The following TMOD1 variants were observed in gnomAD, a reference collection of about 807,000 sequenced individuals.
The protein encoded by TMOD1 is tropomodulin 1.
In TMOD1, 17 loss-of-function variants were observed where a neutral mutation model predicts 40.6. That is an observed-to-expected ratio of 0.42 (90% CI 0.29 to 0.63). TMOD1 has a LOEUF of 0.63. Among genes scored for constraint, TMOD1 ranks in the 20% least tolerant of loss-of-function variants. The pLI, the probability that TMOD1 is intolerant of heterozygous loss-of-function variation, is 0.22. For missense variants in TMOD1, 391 were observed against 447.6 expected, an observed-to-expected ratio of 0.87 and a Z score of 1.14; for synonymous variants, 181 against 175.0, an observed-to-expected ratio of 1.03 and a Z score of -0.27.
chr9:97,529,751 T>C (rs535629706), intron 2 of TMOD1, among the ~76,000 whole-genome samples: 2 of 152,306 alleles, frequency 1.3e-5, no homozygotes, highest in East Asian at 3.9e-4. Context: ...TCAGTTCAGA[T>C]TGCCTTTGTA....
intron 1 of TMOD1, among the ~76,000 whole-genome samples, chr9:97,503,538 A>G (rs992892320): frequency 6.6e-6 from 1 of 152,190 alleles, no homozygotes; most frequent in Non-Finnish European, 1.5e-5. Flanking sequence ...ACTTTGGTGT[A>G]TTATCTTTAA....
At chr9:97,530,946 C>G (rs1341714367) in intron 2 of TMOD1, among the ~76,000 whole-genome samples, 1 of 151,338 alleles carries the variant, frequency 6.6e-6, no homozygotes, top group Non-Finnish European at 1.5e-5. Context: ...CATCACCATG[C>G]CCGGCTAATT....
At chr9:97,555,479 T>C in intron 4 of TMOD1, 1 of 1,436,260 alleles carries the variant, frequency 7.0e-7, no homozygotes, top group Non-Finnish European at 9.1e-7. Flanking sequence ...TCTGTGTGGC[T>C]TTCTTGAAAC....
In TMOD1 at chr9:97,557,233, T is replaced by C. The variant is rs1830550300; in HGVS notation, c.397+3833T>C. ...CGTCCCTGCTGGGCAACAAGCAGAG[T>C]GCACAGGTTCCTGGCAGGGCTAAGT... On this transcript the variant is annotated intron_variant, in intron 4 of 9. Transcript: ENST00000259365. The surrounding 1 kb of genome is among the most constrained non-coding windows in gnomAD (Gnocchi z 4.4). Among the ~76,000 whole-genome samples the C allele has an allele frequency of 6.6e-6, 1 of 151,972 alleles. No homozygotes were observed. Among genetic ancestry groups the C allele is most frequent in the African/African-American group, 2.4e-5 (1 of 41,346 alleles).
In TMOD1 at chr9:97,559,794, A is replaced by AATATATATATATAT. The variant is rs1193457397; in HGVS notation, c.398-2921_398-2908dup. On this transcript the variant is annotated intron_variant, in intron 4 of 9. Transcript: ENST00000259365. The stretch of plus-strand genomic sequence containing the variant: ...ATTTAAAAAAAAAAAAAAAAAAAAA[A>AATATATATATATAT]ATATATATATATATATATATATATA... Among the ~76,000 whole-genome samples the AATATATATATATAT allele has an allele frequency of 9.5e-4, 22 of 23,150 alleles. 1 individual carries two copies. The highest frequency in any genetic ancestry group is 2.0e-3 in the East Asian group (1 of 502). The allele number at this position is 23,150 out of a possible 152,430, so 15.2% of individuals were successfully genotyped here.
At chr9:97,504,068 G>A (rs1269041953) in intron 1 of TMOD1, among the ~76,000 whole-genome samples, 1 of 152,184 alleles carries the variant, frequency 6.6e-6, no homozygotes, top group Non-Finnish European at 1.5e-5. Context: ...CAGGGATCAT[G>A]AGTGACTTAG....
chr9:97,506,129 A>T (rs939649796), intron 1 of TMOD1, among the ~76,000 whole-genome samples: 1 of 152,128 alleles, frequency 6.6e-6, no homozygotes, highest in African/African-American at 2.4e-5. Context: ...TTCGGCCTTC[A>T]GTGCTGTTCT....
intron 8 of TMOD1, among the ~76,000 whole-genome samples, chr9:97,582,078 A>G (rs1034179163): frequency 2.0e-5 from 3 of 152,194 alleles, no homozygotes; most frequent in Non-Finnish European, 2.9e-5. Context: ...GCCCATGCCT[A>G]TGTCCTGAAT....
intron 1 of TMOD1, among the ~76,000 whole-genome samples, chr9:97,514,587 G>A (rs1184966222): frequency 6.6e-6 from 1 of 152,110 alleles, no homozygotes; most frequent in Non-Finnish European, 1.5e-5. Context: ...GCACCCTCTG[G>A]TTCCATTCAG....
intron 9 of TMOD1, among the ~76,000 whole-genome samples, chr9:97,597,441 G>C (rs781555311): frequency 5.3e-5 from 8 of 151,160 alleles, no homozygotes; most frequent in Non-Finnish European, 8.9e-5. Context: ...GCTCACGCCT[G>C]TAATCCCAGC....
chr9:97,542,300 C>A (rs2131242313), intron 2 of TMOD1, among the ~76,000 whole-genome samples: 1 of 152,262 alleles, frequency 6.6e-6, no homozygotes, highest in Middle Eastern at 3.4e-3. Context: ...CAAACTTTAA[C>A]CTCTAATGAG....
At chr9:97,517,312 T>G (rs1446550402) in intron 1 of TMOD1, among the ~76,000 whole-genome samples, 1 of 151,502 alleles carries the variant, frequency 6.6e-6, no homozygotes, top group East Asian at 1.9e-4. Flanking sequence ...ATTATATCAC[T>G]ACACTCCAGC....
At chr9:97,525,307 C>T (rs1486195216) in intron 2 of TMOD1, among the ~76,000 whole-genome samples, 1 of 152,114 alleles carries the variant, frequency 6.6e-6, no homozygotes, top group Admixed American at 6.5e-5. Flanking sequence ...CGGTATCAAA[C>T]AATCTTGTGT....
At chr9:97,545,248 T>C (rs1309607268) in intron 2 of TMOD1, among the ~76,000 whole-genome samples, 2 of 152,222 alleles carry the variant, frequency 1.3e-5, no homozygotes, top group Non-Finnish European at 2.9e-5. Context: ...GGCAAATCTT[T>C]CCTTGCTCTG....
Position 97,590,769 on chromosome 9 carries a change from C to T in TMOD1, c.871-522C>T, listed in dbSNP as rs575703744. 4.6e-5 allele frequency among the ~76,000 whole-genome samples: 7 copies of T among 152,114 alleles called. No individual in the cohort carries two copies. In the East Asian group the frequency reaches 1.4e-3, roughly 29 times the overall value. On this transcript the variant is annotated intron_variant, in intron 8 of 9. Transcript: ENST00000259365. Reference sequence around the variant, plus strand: ...AACTTACCATGTGATCTTGGGAAAACCTTTTTTCCTTCTCTGGGCCTCAAT... The same window carrying T: ...AACTTACCATGTGATCTTGGGAAAATCTTTTTTCCTTCTCTGGGCCTCAAT...
chr9:97,540,799 G>T (rs756197590), intron 2 of TMOD1, among the ~76,000 whole-genome samples: 1 of 152,006 alleles, frequency 6.6e-6, no homozygotes, highest in Non-Finnish European at 1.5e-5. Flanking sequence ...AGACTTGTTC[G>T]TACTTTTGTT....
intron 2 of TMOD1, among the ~76,000 whole-genome samples, chr9:97,527,265 T>C (rs1424021114): frequency 6.6e-6 from 1 of 152,210 alleles, no homozygotes; most frequent in Admixed American, 6.5e-5. Flanking sequence ...AAAAGAGGCA[T>C]GTAGCCACTT....
chr9:97,587,054 A>C (rs1365762426), intron 8 of TMOD1, among the ~76,000 whole-genome samples: 1 of 152,176 alleles, frequency 6.6e-6, no homozygotes, highest in African/African-American at 2.4e-5. Context: ...AATTCTATGG[A>C]GATTCATCCA....
chr9:97,557,561 C>G lies in TMOD1; in HGVS notation c.397+4161C>G, dbSNP rs936350105. On this transcript the variant is annotated intron_variant, in intron 4 of 9. Coordinates refer to ENST00000259365, the MANE Select transcript of TMOD1 (RefSeq NM_003275.4). The surrounding 1 kb of genome is among the most constrained non-coding windows in gnomAD (Gnocchi z 4.4). ...ACTTCCGTGTGCTTAGGCACCTGTC[C>G]TGCTACCCTGCCAGTGGCAGGGTGT... 1.3e-5 allele frequency among the ~76,000 whole-genome samples: 2 copies of G among 152,208 alleles called. No individual in the cohort carries two copies. Among genetic ancestry groups the G allele is most frequent in the Admixed American group, 6.5e-5 (1 of 15,284 alleles).
Sources: gnomAD v4.1 joint callset for allele counts (sites outside exome capture counted in the v4.1 genomes callset) on GRCh38, gnomAD v4.1.1 for gene constraint, Gnocchi (gnomAD v3.1) non-coding constraint, MANE v1.5 for transcripts, NCBI Gene and HGNC (gene_info 2026-07-23, HGNC 2026-07-21) for gene names.